PDE1C: variants seen among roughly 807,000 people sequenced by gnomAD.
PDE1C encodes the protein phosphodiesterase 1C, also known as dual specificity calcium/calmodulin-dependent 3',5'-cyclic nucleotide phosphodiesterase 1C.
Under a neutral mutation model 93.1 loss-of-function variants are expected in PDE1C, and 62 were observed. The observed-to-expected ratio is 0.67, with a 90% CI of 0.54 to 0.82. The LOEUF (loss-of-function observed/expected upper bound fraction) is 0.82, where lower values mean the gene tolerates loss of function less well. Among genes scored for constraint, PDE1C ranks in the 40% least tolerant of loss-of-function variants. PDE1C has a pLI of 0.00. For synonymous variants in PDE1C, 325 were observed against 310.1 expected (o/e 1.05, Z -0.50); for missense variants, 742 against 884.6 (o/e 0.84, Z 2.04).
At chr7:31,962,421 A>G (rs746988539) in intron 2 of PDE1C, among the ~76,000 whole-genome samples, 97 of 152,236 alleles carry the variant, frequency 6.4e-4, no homozygotes, top group Non-Finnish European at 1.1e-3. Flanking sequence ...AGAGTCTGCA[A>G]TGAACATGCT....
chr7:31,996,524 A>G (rs1298962624), intron 2 of PDE1C, among the ~76,000 whole-genome samples: 1 of 152,214 alleles, frequency 6.6e-6, no homozygotes, highest in Non-Finnish European at 1.5e-5. Flanking sequence ...GCGATTATAG[A>G]ATAAAGTCAG....
At chr7:31,967,756 C>G (rs1460190302) in intron 2 of PDE1C, among the ~76,000 whole-genome samples, 2 of 152,148 alleles carry the variant, frequency 1.3e-5, no homozygotes, top group South Asian at 2.1e-4. Flanking sequence ...AAAGCTTATC[C>G]ACCATGATCA....
chr7:32,042,959 G>A (rs771099928), intron 2 of PDE1C, among the ~76,000 whole-genome samples: 43 of 152,194 alleles, frequency 2.8e-4, no homozygotes, highest in Non-Finnish European at 5.1e-4. Flanking sequence ...CCAGAGAGGA[G>A]CAATTCGGCA....
intron 2 of PDE1C, among the ~76,000 whole-genome samples, chr7:32,020,047 G>A (rs551552235): frequency 4.4e-4 from 67 of 152,028 alleles, no homozygotes; most frequent in Non-Finnish European, 6.5e-4. Flanking sequence ...GAGGAACAGG[G>A]CAGACCCTAT....
chr7:31,638,006 A>C, the PDE1C span, among the ~76,000 whole-genome samples: 13 of 152,292 alleles, frequency 8.5e-5, no homozygotes, highest in African/African-American at 3.1e-4. Flanking sequence ...CAGGAAGTTC[A>C]TGTGGAAAAT....
chr7:32,088,631 G>A (rs1041625737), intron 3 of PDE1C, among the ~76,000 whole-genome samples: 1 of 152,246 alleles, frequency 6.6e-6, no homozygotes. Context: ...TCGCAAGGCT[G>A]TGTGATGTCG....
intron 3 of PDE1C, among the ~76,000 whole-genome samples, chr7:32,123,791 G>T (rs964805842): frequency 6.6e-6 from 1 of 152,104 alleles, no homozygotes; most frequent in African/African-American, 2.4e-5. Context: ...TTAGAAAACT[G>T]GTACAAGACA....
intron 16 of PDE1C, among the ~76,000 whole-genome samples, chr7:31,797,595 G>C (rs2128679621): frequency 6.6e-6 from 1 of 151,810 alleles, no homozygotes; most frequent in East Asian, 1.9e-4. Context: ...ACACTATCTT[G>C]GGTGTGAGAG....
upstream of PDE1C, chr7:32,070,990 C>T (rs1207650379): frequency 2.0e-6 from 2 of 985,238 alleles, no homozygotes; most frequent in Admixed American, 6.2e-5. Context: ...AGCAGCTCTG[C>T]TGACAAGCGA....
At chr7:32,149,983 AATCTCT>A (rs1342419667) in intron 3 of PDE1C, among the ~76,000 whole-genome samples, 2 of 152,182 alleles carry the variant, frequency 1.3e-5, no homozygotes, top group African/African-American at 4.8e-5. Context: ...TCAAGGAGAT[AATCTCT>A]ATCTCTAAGT....
intron 17 of PDE1C, among the ~76,000 whole-genome samples, chr7:31,767,022 T>C (rs1357124719): frequency 6.6e-6 from 1 of 152,226 alleles, no homozygotes; most frequent in Non-Finnish European, 1.5e-5. Flanking sequence ...AAGATAGACC[T>C]GGATTTTTTC....
At chr7:31,880,163 A>G (rs1481790932) in intron 3 of PDE1C, among the ~76,000 whole-genome samples, 1 of 152,234 alleles carries the variant, frequency 6.6e-6, no homozygotes, top group Non-Finnish European at 1.5e-5. Flanking sequence ...CACCTTTCGT[A>G]TTCAACATTT....
chr7:32,291,145 T>C (rs1407379084), intron 1 of PDE1C, among the ~76,000 whole-genome samples: 2 of 152,128 alleles, frequency 1.3e-5, no homozygotes, highest in African/African-American at 4.8e-5. Context: ...GATGAGCACA[T>C]TGAAATACAG....
chr7:32,200,124 C>T (rs887747085), intron 2 of PDE1C, among the ~76,000 whole-genome samples: 1 of 152,172 alleles, frequency 6.6e-6, no homozygotes, highest in South Asian at 2.1e-4. Flanking sequence ...AAAGGACACT[C>T]GACCTGCATC....
At chr7:31,703,178 C>G in the PDE1C span, among the ~76,000 whole-genome samples, 1 of 152,246 alleles carries the variant, frequency 6.6e-6, no homozygotes, top group African/African-American at 2.4e-5. Context: ...CAAAAACTCT[C>G]AACAAATGTT....
At chr7:31,704,797 C>T in the PDE1C span, among the ~76,000 whole-genome samples, 1 of 152,168 alleles carries the variant, frequency 6.6e-6, no homozygotes, top group African/African-American at 2.4e-5. Flanking sequence ...ATAGGCAAAG[C>T]TTTCTGGCTT....
chr7:31,837,315 C>T lies in PDE1C; in HGVS notation c.1083-15G>A. The T allele has an allele frequency of 5.6e-6, 9 of 1,596,252 alleles. No individual in the cohort carries two copies. The highest frequency in any genetic ancestry group is 6.8e-6 in the Non-Finnish European group (8 of 1,169,956). On this transcript the variant is annotated splice_polypyrimidine_tract_variant and intron_variant, in intron 10 of 17. Transcript: ENST00000396191. The stretch of plus-strand genomic sequence containing the variant: ...GCTTTTCAATGCTGTAAACCAAAAG[C>T]ACCCAAACACATGATAACCACACTC...
intron 1 of PDE1C, among the ~76,000 whole-genome samples, chr7:32,319,209 C>G (rs969387532): frequency 6.6e-6 from 1 of 152,230 alleles, no homozygotes; most frequent in Non-Finnish European, 1.5e-5. Context: ...CAGAGCGCCA[C>G]GTGCTTGGAG....
chr7:31,709,640 A>G, the PDE1C span, among the ~76,000 whole-genome samples: 121 of 152,164 alleles, frequency 8.0e-4, no homozygotes, highest in African/African-American at 2.8e-3. Context: ...AAGAGCATAT[A>G]CAGAATGGTG....
Sources: allele counts gnomAD v4.1 joint callset (sites outside exome capture counted in the v4.1 genomes callset), GRCh38; gene constraint gnomAD v4.1.1; transcripts MANE v1.5; gene names NCBI Gene and HGNC (gene_info 2026-07-23, HGNC 2026-07-21).